Variants in RBFOX1 observed in about 807,000 individuals in gnomAD.
RBFOX1 encodes RNA binding fox-1 homolog 1, also known as RNA binding protein fox-1 homolog 1.
In RBFOX1, 8 loss-of-function variants were observed where a neutral mutation model predicts 57.7. That is an observed-to-expected ratio of 0.14 (90% CI 0.08 to 0.25). The LOEUF (loss-of-function observed/expected upper bound fraction) is 0.25. Ranked by LOEUF, RBFOX1 falls within the 10% of genes least tolerant of loss-of-function variation. The pLI, the probability that RBFOX1 is intolerant of heterozygous loss-of-function variation, is 1.00. For synonymous variants in RBFOX1, 326 were observed against 222.4 expected, an observed-to-expected ratio of 1.47 and a Z score of -4.15; for missense variants, 611 against 548.5, an observed-to-expected ratio of 1.11 and a Z score of -1.14.
At chr16:6,625,393 C>G (rs2098290972) in intron 2 of RBFOX1, among the ~76,000 whole-genome samples, 1 of 152,106 alleles carries the variant, frequency 6.6e-6, no homozygotes, top group Non-Finnish European at 1.5e-5. Context: ...CAGTGAATGA[C>G]TGCATAGATG....
intron 6 of RBFOX1, 73 bp from the exon 7 acceptor site, chr16:7,587,174 C>T (rs2094174500): frequency 1.5e-5 from 20 of 1,335,830 alleles, no homozygotes; most frequent in Non-Finnish European, 1.9e-5. Flanking sequence ...ACGTGGGAAA[C>T]AATTACTACT....
At chr16:6,815,955 G>A (rs942068511) in intron 3 of RBFOX1, among the ~76,000 whole-genome samples, 2 of 152,184 alleles carry the variant, frequency 1.3e-5, no homozygotes, top group African/African-American at 2.4e-5. Flanking sequence ...AGATCTTTAA[G>A]AGTATTAATA....
At chr16:7,085,727 C>T (rs1348396863) in intron 4 of RBFOX1, among the ~76,000 whole-genome samples, 1 of 152,134 alleles carries the variant, frequency 6.6e-6, no homozygotes, top group Non-Finnish European at 1.5e-5. Context: ...CACCGGAAAC[C>T]ATAAGAAAGA....
At chr16:7,488,810 C>G (rs1022922658) in intron 4 of RBFOX1, among the ~76,000 whole-genome samples, 1 of 152,100 alleles carries the variant, frequency 6.6e-6, no homozygotes, top group Non-Finnish European at 1.5e-5. Flanking sequence ...ATTAATCTAT[C>G]CATCCATCTA....
chr16:7,297,658 A>T (rs1475931279), intron 4 of RBFOX1, among the ~76,000 whole-genome samples: 1 of 152,142 alleles, frequency 6.6e-6, no homozygotes, highest in African/African-American at 2.4e-5. Flanking sequence ...TTCTTTAGGA[A>T]CGTGTAGCCT....
intron 3 of RBFOX1, among the ~76,000 whole-genome samples, chr16:6,812,464 C>T (rs1040240455): frequency 1.3e-5 from 2 of 152,074 alleles, no homozygotes; most frequent in Non-Finnish European, 2.9e-5. Flanking sequence ...ACCTCCACCT[C>T]TAGGGTTCAA....
chr16:6,817,899 C>G (rs944081088), intron 3 of RBFOX1, among the ~76,000 whole-genome samples: 1 of 152,140 alleles, frequency 6.6e-6, no homozygotes, highest in Non-Finnish European at 1.5e-5. Flanking sequence ...GCCTCATACC[C>G]TGTTCCTGGG....
At chr16:7,232,107 T>G (rs1226202869) in intron 4 of RBFOX1, among the ~76,000 whole-genome samples, 1 of 152,126 alleles carries the variant, frequency 6.6e-6, no homozygotes, top group East Asian at 1.9e-4. Flanking sequence ...CACTGCAAAT[T>G]CCACCTCCTA....
At chr16:7,671,097 C>A (rs1271655655) in intron 13 of RBFOX1, among the ~76,000 whole-genome samples, 1 of 152,132 alleles carries the variant, frequency 6.6e-6, no homozygotes, top group South Asian at 2.1e-4. Context: ...ATTAATTTAA[C>A]AAGTAAAGGC....
chr16:5,312,128 A>T (rs2064108043), intron 1 of RBFOX1, among the ~76,000 whole-genome samples: 1 of 152,240 alleles, frequency 6.6e-6, no homozygotes, highest in African/African-American at 2.4e-5. Flanking sequence ...GAGAATAGCC[A>T]GGTAGACTTT....
At chr16:6,505,680 G>A (rs1339205176) in intron 2 of RBFOX1, among the ~76,000 whole-genome samples, 1 of 152,152 alleles carries the variant, frequency 6.6e-6, no homozygotes, top group Non-Finnish European at 1.5e-5. Context: ...AGATGTACAT[G>A]ATACATTCAA....
chr16:7,116,012 G>C (rs1308393221), intron 4 of RBFOX1, among the ~76,000 whole-genome samples: 3 of 152,172 alleles, frequency 2.0e-5, no homozygotes, highest in African/African-American at 7.2e-5. Context: ...CATTGTGCCA[G>C]GCACTGTACT....
chr16:6,357,962 A>G (rs12448224), intron 2 of RBFOX1, among the ~76,000 whole-genome samples: 1 of 131,640 alleles, frequency 7.6e-6, no homozygotes, highest in African/African-American at 3.3e-5. Context: ...ATCTCAAAAA[A>G]GAAAAAAAAA....
intron 4 of RBFOX1, among the ~76,000 whole-genome samples, chr16:5,867,551 T>C (rs1413915891): frequency 6.6e-6 from 1 of 152,112 alleles, no homozygotes; most frequent in East Asian, 1.9e-4. Context: ...GTAAAGATGG[T>C]GCAGGGTGAC....
intron 4 of RBFOX1, among the ~76,000 whole-genome samples, chr16:7,206,872 C>A (rs11866938): frequency 2.0e-5 from 3 of 151,994 alleles, no homozygotes; most frequent in African/African-American, 7.3e-5. Flanking sequence ...AATGGAGAGG[C>A]TGGAGAAACC....
chr16:6,469,354 A>G (rs527971631), intron 2 of RBFOX1, among the ~76,000 whole-genome samples: 3 of 152,252 alleles, frequency 2.0e-5, no homozygotes, highest in Non-Finnish European at 2.9e-5. Flanking sequence ...ATCCCTCTGG[A>G]AAGTCTCCAG....
At chr16:6,033,878 C>G (rs2095325471) in intron 1 of RBFOX1, among the ~76,000 whole-genome samples, 1 of 152,186 alleles carries the variant, frequency 6.6e-6, no homozygotes, top group African/African-American at 2.4e-5. Context: ...TGCACCCTTA[C>G]ATGTTGGTGG....
At chr16:6,317,916 A>T (rs1260627304) in intron 2 of RBFOX1, among the ~76,000 whole-genome samples, 6 of 152,188 alleles carry the variant, frequency 3.9e-5, no homozygotes, top group African/African-American at 1.2e-4. Context: ...GGAATGCAGA[A>T]TTTCTTAGCA....
Position 6,218,773 on chromosome 16 carries a change from G to C in RBFOX1, c.-126-98222G>C, listed in dbSNP as rs550622279. ...CACTGGTTCCCGGTCTCCTTCTTCA[G>C]ATATTTTATCTGCTAAATCCGAAGT... is the stretch of plus-strand genomic sequence containing the variant. On this transcript the variant is annotated intron_variant, in intron 1 of 15. Coordinates refer to ENST00000550418, the MANE Select transcript of RBFOX1 (RefSeq NM_018723.4). 8.6e-5 allele frequency among the ~76,000 whole-genome samples: 13 copies of C among 151,598 alleles called. No homozygotes were observed. The South Asian group carries it at 2.1e-3, about 24-fold the overall frequency.
Sources: gnomAD v4.1 joint callset for allele counts (sites outside exome capture counted in the v4.1 genomes callset) on GRCh38, gnomAD v4.1.1 for gene constraint, MANE v1.5 for transcripts, NCBI Gene and HGNC (gene_info 2026-07-23, HGNC 2026-07-21) for gene names.